VSTM4: variants seen among roughly 807,000 people sequenced by gnomAD.
The protein encoded by VSTM4 is V-set and transmembrane domain-containing protein 4.
VSTM4 carries 20 observed loss-of-function variants against 36.4 expected under a neutral mutation model. The observed-to-expected ratio is 0.55, with a 90% confidence interval of 0.39 to 0.80. VSTM4 has a LOEUF of 0.80. Ranked by LOEUF, VSTM4 falls within the 30% of genes least tolerant of loss-of-function variation. The probability of loss-of-function intolerance (pLI) is 0.00; values close to 1 mark genes in which losing one functional copy is unlikely to be tolerated. For synonymous variants in VSTM4, 182 were observed against 173.9 expected, an observed-to-expected ratio of 1.05 and a Z score of -0.37; for missense variants, 392 against 404.5, an observed-to-expected ratio of 0.97 and a Z score of 0.26.
At chr10:49,078,715 T>A (rs1844224893) in intron 3 of VSTM4, among the ~76,000 whole-genome samples, 1 of 152,334 alleles carries the variant, frequency 6.6e-6, no homozygotes, top group Non-Finnish European at 1.5e-5. Flanking sequence ...ATATTCTGTA[T>A]CTTGACTGTA....
intron 4 of VSTM4, among the ~76,000 whole-genome samples, chr10:49,067,394 G>A (rs941264412): frequency 6.6e-6 from 1 of 152,246 alleles, no homozygotes; most frequent in African/African-American, 2.4e-5. Flanking sequence ...GTTACGGGCT[G>A]AATTATGTCT....
chr10:49,103,545 A>G, intron 2 of VSTM4: 1 of 1,326,818 alleles, frequency 7.5e-7, no homozygotes, highest in Middle Eastern at 2.8e-4. Context: ...CAACCAACAT[A>G]TGGAAATCAG....
rs1246077675 is a variant in VSTM4, at chr10:49,100,697, A to G, written c.457+6897T>C. Among the ~76,000 whole-genome samples, 6 of 152,302 alleles carry G rather than the reference A, an allele frequency of 3.9e-5. No individual in the cohort carries two copies. The East Asian group carries it at 9.6e-4, about 24-fold the overall frequency. ...CATAACAAAGTAACCTAAGAAGCCA[A>G]TGAAATCCCAATCAAACCCCAATGT... On this transcript the variant is annotated intron_variant, in intron 2 of 7. Transcript: ENST00000332853.
chr10:49,079,033 TG>T (rs1285812291), intron 3 of VSTM4, among the ~76,000 whole-genome samples: 2 of 152,008 alleles, frequency 1.3e-5, no homozygotes, highest in African/African-American at 4.8e-5. Flanking sequence ...GGTTTCACCA[TG>T]TTGGCCAGGT....
chr10:49,051,327 C>A (rs1843694160), intron 5 of VSTM4, among the ~76,000 whole-genome samples: 2 of 151,512 alleles, frequency 1.3e-5, no homozygotes, highest in South Asian at 4.2e-4. Context: ...AGATTGGCCT[C>A]TTTCACTTAG....
At chr10:49,085,865 T>G in intron 3 of VSTM4, 90 bp downstream of exon 3, 1 of 779,786 alleles carries the variant, frequency 1.3e-6, no homozygotes, top group Non-Finnish European at 2.0e-6. Context: ...GTTGTGCACA[T>G]GTACCCTAGA....
intron 4 of VSTM4, among the ~76,000 whole-genome samples, chr10:49,072,059 G>A (rs927189552): frequency 2.6e-5 from 4 of 152,226 alleles, no homozygotes; most frequent in Non-Finnish European, 4.4e-5. Context: ...TAAGAGTGTT[G>A]CAGGTTTTAG....
chr10:49,048,336 G>T (rs903273992), intron 6 of VSTM4, 142 bp downstream of exon 6: 2 of 709,276 alleles, frequency 2.8e-6, no homozygotes, highest in Non-Finnish European at 4.3e-6. Flanking sequence ...TCTAGGTGGG[G>T]GTCCAGACTA....
chr10:49,037,738 ACTC>A (rs1338747136), intron 7 of VSTM4, among the ~76,000 whole-genome samples: 1 of 152,088 alleles, frequency 6.6e-6, no homozygotes, highest in African/African-American at 2.4e-5. Flanking sequence ...TATATAAAGA[ACTC>A]CTACAATTCA....
chr10:49,033,984 C>A (rs1338583980), intron 7 of VSTM4, among the ~76,000 whole-genome samples: 1 of 152,092 alleles, frequency 6.6e-6, no homozygotes, highest in Non-Finnish European at 1.5e-5. Context: ...TCACCATCAT[C>A]ATCACCATCA....
At chr10:49,094,013 C>A (rs983931408) in intron 2 of VSTM4, among the ~76,000 whole-genome samples, 1 of 152,148 alleles carries the variant, frequency 6.6e-6, no homozygotes, top group Non-Finnish European at 1.5e-5. Flanking sequence ...TCCCAAAGTG[C>A]TGGGATTACA....
intron 7 of VSTM4, among the ~76,000 whole-genome samples, chr10:49,033,794 A>G (rs1208021303): frequency 6.6e-6 from 1 of 152,206 alleles, no homozygotes; most frequent in East Asian, 1.9e-4. Flanking sequence ...AGTTGTCTCA[A>G]AGTTAAAGGA....
intron 1 of VSTM4, among the ~76,000 whole-genome samples, chr10:49,109,600 C>G (rs1844855542): frequency 6.6e-6 from 1 of 152,154 alleles, no homozygotes; most frequent in South Asian, 2.1e-4. Context: ...TCCCTTTTGT[C>G]ATATAACGTT....
intron 1 of VSTM4, 46 bp from the exon 2 acceptor site, chr10:49,108,041 C>A: frequency 6.6e-7 from 1 of 1,511,622 alleles, no homozygotes; most frequent in Non-Finnish European, 8.9e-7. Flanking sequence ...GGCCCCAAGT[C>A]CCCCTGTGGG....
At position 49,085,963 on chromosome 10, in the gene VSTM4, A is replaced by C; in HGVS notation, c.518T>G (p.Phe173Cys). The stretch of plus-strand genomic sequence containing the variant: ...AAATATACAAGCTTTACCTTCAAAA[A>C]ATGCCCAAGTCTCTTTTGTTTTCTC... Reference protein sequence around the residue: ...SFEKTKETWAFFEDLYVYAVL... With the variant: ...SFEKTKETWACFEDLYVYAVL... Residue 173 changes from phenylalanine to cysteine, a missense_variant, in exon 3 of 8, where the codon TTT (phenylalanine) becomes TGT (cysteine). Physicochemically the swap from Phe to Cys is radical, Grantham distance 205. Coordinates refer to ENST00000332853, the MANE Select transcript of VSTM4 (RefSeq NM_001031746.5). The C allele has an allele frequency of 6.3e-7, 1 of 1,586,866 alleles. No individual in the cohort carries two copies. Among genetic ancestry groups the C allele is most frequent in the Non-Finnish European group, 8.6e-7 (1 of 1,168,632 alleles).
intron 1 of VSTM4, among the ~76,000 whole-genome samples, chr10:49,108,212 T>C (rs768614798): frequency 2.4e-4 from 36 of 152,238 alleles, no homozygotes; most frequent in Admixed American, 5.2e-4. Context: ...GACCACCCTG[T>C]CCATGTGGGA....
Position 49,051,102 on chromosome 10 carries a change from A to T in VSTM4, c.669-2518T>A, listed in dbSNP as rs1192290820. 2.0e-5 allele frequency among the ~76,000 whole-genome samples: 3 copies of T among 152,208 alleles called. No individual in the cohort carries two copies. In the South Asian group the frequency reaches 6.2e-4, roughly 32 times the overall value. ...ACCTTAGGGTTCACTCTTGATGTAC[A>T]GTATATTCTATGGGTTTGGACAAAT... is the stretch of plus-strand genomic sequence containing the variant. On this transcript the variant is annotated intron_variant, in intron 5 of 7. Transcript: ENST00000332853.
chr10:49,060,234 A>T (rs892147771), intron 5 of VSTM4, among the ~76,000 whole-genome samples: 1 of 152,254 alleles, frequency 6.6e-6, no homozygotes, highest in African/African-American at 2.4e-5. Flanking sequence ...TATGAGCGGA[A>T]TTGCTGGGTC....
chr10:49,070,999 C>A (rs1844068807), intron 4 of VSTM4, among the ~76,000 whole-genome samples: 1 of 152,234 alleles, frequency 6.6e-6, no homozygotes, highest in Non-Finnish European at 1.5e-5. Flanking sequence ...GCTCCCTTTT[C>A]TTGCATCTCT....
Sources: allele counts gnomAD v4.1 joint callset (sites outside exome capture counted in the v4.1 genomes callset), GRCh38; gene constraint gnomAD v4.1.1; transcripts MANE v1.5; gene names NCBI Gene and HGNC (gene_info 2026-07-23, HGNC 2026-07-21).